The following ZMAT4 variants were observed in gnomAD, a reference collection of about 807,000 sequenced individuals.
ZMAT4 encodes zinc finger matrin-type protein 4.
ZMAT4 carries 17 observed loss-of-function variants against 28.7 expected under a neutral mutation model. That is an observed-to-expected ratio of 0.59 (90% confidence interval 0.41 to 0.89). The LOEUF (loss-of-function observed/expected upper bound fraction) is 0.89. Among genes scored for constraint, ZMAT4 ranks in the 40% least tolerant of loss-of-function variants. ZMAT4 has a pLI of 0.00. For synonymous variants in ZMAT4, 117 were observed against 109.2 expected, an observed-to-expected ratio of 1.07 and a Z score of -0.44; for missense variants, 240 against 283.8, an observed-to-expected ratio of 0.85 and a Z score of 1.11.
chr8:40,802,873 C>A (rs753174741), intron 2 of ZMAT4, among the ~76,000 whole-genome samples: 1 of 152,072 alleles, frequency 6.6e-6, no homozygotes, highest in Non-Finnish European at 1.5e-5. Flanking sequence ...AAAGAATAGA[C>A]AAATTGACCA....
chr8:40,763,619 T>C (rs962264613), intron 3 of ZMAT4, among the ~76,000 whole-genome samples: 3 of 152,196 alleles, frequency 2.0e-5, no homozygotes, highest in Admixed American at 2.0e-4. Context: ...AGACTAGGAA[T>C]AGCATTTAGG....
Position 40,608,502 on chromosome 8 carries a change from C to T in ZMAT4, c.578-27241G>A, listed in dbSNP as rs185765883. ...AATAAGTCCCATGCTACAAGCCTCC[C>T]TGCTGAGAAAGCAGGTGGGGTTTTC... is the stretch of plus-strand genomic sequence containing the variant. On this transcript the variant is annotated intron_variant, in intron 5 of 6. Transcript: ENST00000297737. Among the ~76,000 whole-genome samples, 22 of 152,294 alleles carry T rather than the reference C, an allele frequency of 1.4e-4. No individual in the cohort carries two copies. The East Asian group carries it at 3.5e-3, about 24-fold the overall frequency.
intron 3 of ZMAT4, among the ~76,000 whole-genome samples, chr8:40,741,481 A>T (rs1306824890): frequency 6.6e-6 from 1 of 151,964 alleles, no homozygotes; most frequent in East Asian, 1.9e-4. Context: ...GTAGGAAACG[A>T]TGATCTTGCT....
chr8:40,783,892 T>C (rs1813949770), intron 2 of ZMAT4, among the ~76,000 whole-genome samples: 1 of 152,120 alleles, frequency 6.6e-6, no homozygotes, highest in African/African-American at 2.4e-5. Flanking sequence ...GTGCCTGTAA[T>C]CCCAGCTACT....
In ZMAT4 at chr8:40,532,173, C is replaced by T. The variant is rs367883917; in HGVS notation, c.*50G>A. 534 of 1,537,544 alleles carry T rather than the reference C, an allele frequency of 3.5e-4. 1 individual carries two copies. The highest frequency in any genetic ancestry group is 4.2e-4 in the Non-Finnish European group (476 of 1,138,948). On this transcript the variant is annotated 3_prime_UTR_variant, in exon 7 of 7. Transcript: ENST00000297737. The stretch of plus-strand genomic sequence containing the variant: ...CTGGTGGTTGATAAGCAATTCTCCA[C>T]GGCAGAGAAATGCTAATGTTTTGTT...
chr8:40,762,092 A>G (rs1239900667), intron 3 of ZMAT4, among the ~76,000 whole-genome samples: 1 of 152,204 alleles, frequency 6.6e-6, no homozygotes, highest in Non-Finnish European at 1.5e-5. Flanking sequence ...ACAGCAGACC[A>G]CTTGAGAAGA....
intron 3 of ZMAT4, among the ~76,000 whole-genome samples, chr8:40,766,650 C>T (rs1813171658): frequency 1.3e-5 from 2 of 152,208 alleles, no homozygotes; most frequent in Non-Finnish European, 2.9e-5. Flanking sequence ...ATGAACAGCT[C>T]ATTTTGTGAC....
intron 2 of ZMAT4, among the ~76,000 whole-genome samples, chr8:40,805,300 A>T (rs991268807): frequency 3.4e-5 from 5 of 146,498 alleles, no homozygotes; most frequent in Non-Finnish European, 7.5e-5. Context: ...CAGGTGCTGG[A>T]GAGGATGTGG....
intron 1 of ZMAT4, among the ~76,000 whole-genome samples, chr8:40,861,295 G>A (rs1817480245): frequency 6.6e-6 from 1 of 152,144 alleles, no homozygotes; most frequent in Non-Finnish European, 1.5e-5. Context: ...TCTGATCTTT[G>A]ACAAACCTGA....
At chr8:40,777,391 C>T (rs1185382837) in intron 2 of ZMAT4, among the ~76,000 whole-genome samples, 1 of 152,120 alleles carries the variant, frequency 6.6e-6, no homozygotes, top group African/African-American at 2.4e-5. Flanking sequence ...GAATTCAGAC[C>T]ATAAGGCTGA....
intron 5 of ZMAT4, among the ~76,000 whole-genome samples, chr8:40,611,832 A>G (rs1053224463): frequency 6.6e-6 from 1 of 152,246 alleles, no homozygotes; most frequent in Non-Finnish European, 1.5e-5. Context: ...TAGTTTCTCA[A>G]CAGAGGTGAA....
At chr8:40,785,273 C>T (rs1334046101) in intron 2 of ZMAT4, among the ~76,000 whole-genome samples, 1 of 152,226 alleles carries the variant, frequency 6.6e-6, no homozygotes, top group African/African-American at 2.4e-5. Flanking sequence ...CTCTCATTGT[C>T]TTGGCCACAT....
chr8:40,750,598 CTT>C (rs1237451616), intron 3 of ZMAT4, among the ~76,000 whole-genome samples: 2 of 152,102 alleles, frequency 1.3e-5, no homozygotes, highest in Admixed American at 1.3e-4. Flanking sequence ...GAAAAATAAA[CTT>C]ATGTTTTGTG....
intron 5 of ZMAT4, among the ~76,000 whole-genome samples, chr8:40,658,703 G>A (rs1808050600): frequency 6.7e-6 from 1 of 149,228 alleles, no homozygotes; most frequent in South Asian, 2.1e-4. Flanking sequence ...TGAATTTTTG[G>A]CTTTACTTTC....
intron 5 of ZMAT4, among the ~76,000 whole-genome samples, chr8:40,603,410 C>CT (rs1032918161): frequency 2.0e-5 from 3 of 152,094 alleles, no homozygotes; most frequent in East Asian, 1.9e-4. Context: ...TATGCGGACT[C>CT]TTTTTTTGGT....
At chr8:40,672,964 A>G (rs1162145571) in intron 5 of ZMAT4, among the ~76,000 whole-genome samples, 2 of 151,930 alleles carry the variant, frequency 1.3e-5, no homozygotes, top group Non-Finnish European at 2.9e-5. Flanking sequence ...GCTAGAACAC[A>G]TACACATAAA....
At chr8:40,577,993 G>A (rs1804326556) in intron 6 of ZMAT4, among the ~76,000 whole-genome samples, 1 of 151,974 alleles carries the variant, frequency 6.6e-6, no homozygotes, top group Non-Finnish European at 1.5e-5. Flanking sequence ...AGAAAACTCA[G>A]TATTTTGAAG....
At chr8:40,828,340 A>G (rs917339215) in intron 1 of ZMAT4, among the ~76,000 whole-genome samples, 5 of 152,232 alleles carry the variant, frequency 3.3e-5, no homozygotes, top group African/African-American at 1.2e-4. Context: ...CTAATGAAGA[A>G]GCACACAAAA....
chr8:40,775,897 G>A (rs1223216187), intron 2 of ZMAT4, among the ~76,000 whole-genome samples: 1 of 152,156 alleles, frequency 6.6e-6, no homozygotes, highest in African/African-American at 2.4e-5. Flanking sequence ...AAGGGGAAGA[G>A]ACATCAGAGA....
Sources: gnomAD v4.1 joint callset for allele counts (sites outside exome capture counted in the v4.1 genomes callset) on GRCh38, gnomAD v4.1.1 for gene constraint, MANE v1.5 for transcripts, NCBI Gene and HGNC (gene_info 2026-07-23, HGNC 2026-07-21) for gene names.